The following PSG3 variants were observed in gnomAD, a reference collection of about 807,000 sequenced individuals.
The protein encoded by PSG3 is pregnancy-specific beta-1-glycoprotein 3.
In PSG3, 61 loss-of-function variants were observed where a neutral mutation model predicts 47.5. The ratio of observed to expected loss-of-function variants is 1.28; its 90% confidence interval spans 1.05 to 1.59. The LOEUF (loss-of-function observed/expected upper bound fraction) is 1.59. PSG3 is among the 40% of genes most tolerant of loss of function. PSG3 has a pLI of 0.00. For synonymous variants in PSG3, 263 were observed against 198.4 expected (o/e 1.33, Z -2.74); for missense variants, 756 against 524.0 (o/e 1.44, Z -4.32).
At chr19:42,722,985 A>G (rs1405065519) in intron 6 of PSG3, among the ~76,000 whole-genome samples, 4 of 152,080 alleles carry the variant, frequency 2.6e-5, no homozygotes, top group Admixed American at 1.3e-4. Flanking sequence ...AGTGATTCCA[A>G]TGTGTAGCTC....
At chr19:42,726,669 T>A (rs1969382732) in intron 5 of PSG3, among the ~76,000 whole-genome samples, 1 of 152,228 alleles carries the variant, frequency 6.6e-6, no homozygotes, top group African/African-American at 2.4e-5. Context: ...ACATTTTGTT[T>A]TCATGAATTG....
At chr19:42,737,685 C>G (rs927598429) in intron 2 of PSG3, among the ~76,000 whole-genome samples, 9 of 152,170 alleles carry the variant, frequency 5.9e-5, no homozygotes, top group African/African-American at 1.7e-4. Context: ...GTGATTGGAA[C>G]CCAGTAAGCC....
At position 42,729,602 on chromosome 19, in the gene PSG3, T is replaced by C. The variant is rs577104140; in HGVS notation, c.988+176A>G. ...GACAAGAGCGTCCCCTCCCCTTATA[T>C]TCTTGGTTAAGGCTGTGCCTACCCA... On this transcript the variant is annotated intron_variant, in intron 4 of 6. Transcript: ENST00000327495. 5.3e-5 allele frequency among the ~76,000 whole-genome samples: 8 copies of C among 152,298 alleles called. No homozygotes were observed. In the East Asian group the frequency reaches 1.4e-3, roughly 26 times the overall value.
At chr19:42,730,352 C>A (rs1000802882) in intron 3 of PSG3, among the ~76,000 whole-genome samples, 1 of 152,186 alleles carries the variant, frequency 6.6e-6, no homozygotes, top group African/African-American at 2.4e-5. Flanking sequence ...CTCCCAGTCC[C>A]TCCATAATCA....
At chr19:42,726,436 A>G (rs923432039) in intron 5 of PSG3, among the ~76,000 whole-genome samples, 2 of 152,250 alleles carry the variant, frequency 1.3e-5, no homozygotes, top group Non-Finnish European at 1.5e-5. Flanking sequence ...TAAATTCAGT[A>G]ATGTTGCACA....
chr19:42,725,590 G>T (rs2122162095), intron 5 of PSG3, among the ~76,000 whole-genome samples: 1 of 152,236 alleles, frequency 6.6e-6, no homozygotes, highest in African/African-American at 2.4e-5. Flanking sequence ...TCTGAGCATG[G>T]TGGGTCATGT....
At chr19:42,737,042 C>T (rs1223833415) in intron 2 of PSG3, among the ~76,000 whole-genome samples, 4 of 152,174 alleles carry the variant, frequency 2.6e-5, no homozygotes, top group African/African-American at 9.6e-5. Context: ...CACAGAGAAG[C>T]AGAGAGAGGC....
At chr19:42,733,903 A>T (rs2122185956) in intron 2 of PSG3, 1 of 152,338 alleles carries the variant, frequency 6.6e-6, no homozygotes, top group Admixed American at 6.5e-5. Flanking sequence ...GAAAGGGCGA[A>T]CATGAACAGA....
At position 42,722,105 on chromosome 19, in the gene PSG3, G is replaced by T; in HGVS notation, c.*41-15C>A. 1 of 411,898 alleles carries T rather than the reference G, an allele frequency of 2.4e-6. No individual in the cohort carries two copies. The highest frequency in any genetic ancestry group is 3.6e-5 in the East Asian group (1 of 27,944). 25.5% of individuals were successfully genotyped at this position (411,898 alleles called of 1,614,324 possible). A position where few individuals can be genotyped will look rare whatever the true frequency, so the allele number is the denominator to read the frequency against. On this transcript the variant is annotated splice_polypyrimidine_tract_variant and intron_variant, in intron 6 of 6. Transcript: ENST00000327495. ...AAAGCAACTGTCTGGGAATGACAAA[G>T]ATTTAAAATGACTATGGTTAAAAAT... is the stretch of plus-strand genomic sequence containing the variant.
At chr19:42,738,176 C>G (rs1969597947) in intron 2 of PSG3, among the ~76,000 whole-genome samples, 1 of 152,236 alleles carries the variant, frequency 6.6e-6, no homozygotes, top group African/African-American at 2.4e-5. Flanking sequence ...AGATGAGGCT[C>G]TGAGGGCTGA....
intron 3 of PSG3, among the ~76,000 whole-genome samples, 154 bp from the exon 4 acceptor site, chr19:42,730,210 G>T (rs948111595): frequency 6.6e-6 from 1 of 152,200 alleles, no homozygotes; most frequent in African/African-American, 2.4e-5. Context: ...GATGCATGAT[G>T]ATCTAAGGGC....
chr19:42,726,593 T>C (rs1464625819), intron 5 of PSG3, among the ~76,000 whole-genome samples: 2 of 151,998 alleles, frequency 1.3e-5, no homozygotes, highest in Non-Finnish European at 2.9e-5. Flanking sequence ...AGAGGTAAAA[T>C]GATTATACCT....
At chr19:42,723,050 G>A (rs1210254673) in intron 6 of PSG3, among the ~76,000 whole-genome samples, 1 of 152,046 alleles carries the variant, frequency 6.6e-6, no homozygotes, top group Non-Finnish European at 1.5e-5. Context: ...TTCTATTTTG[G>A]TATCATGATT....
At chr19:42,724,877 A>G (rs937179788) in intron 5 of PSG3, among the ~76,000 whole-genome samples, 3 of 151,048 alleles carry the variant, frequency 2.0e-5, no homozygotes, top group African/African-American at 7.3e-5. Context: ...CTTTTTCCAT[A>G]TATATATATA....
chr19:42,736,948 G>A (rs1969574642), intron 2 of PSG3, among the ~76,000 whole-genome samples: 2 of 152,146 alleles, frequency 1.3e-5, no homozygotes, highest in South Asian at 4.1e-4. Flanking sequence ...TAGAGGGAGT[G>A]TCTGGGGAAG....
At chr19:42,739,225 C>T (rs1969624847) in intron 1 of PSG3, 136 bp from the exon 2 acceptor site, 10 of 1,343,298 alleles carry the variant, frequency 7.4e-6, no homozygotes, top group Non-Finnish European at 1.0e-5. Flanking sequence ...AACACACACA[C>T]ACACACAAAA....
At chr19:42,734,791 A>T (rs527597779) in intron 2 of PSG3, among the ~76,000 whole-genome samples, 11 of 152,354 alleles carry the variant, frequency 7.2e-5, no homozygotes, top group Admixed American at 2.0e-4. Flanking sequence ...AAACTAAAAG[A>T]AGTGATGTGT....
At chr19:42,725,885 A>G (rs10408481) in intron 5 of PSG3, among the ~76,000 whole-genome samples, 2 of 139,400 alleles carry the variant, frequency 1.4e-5, no homozygotes, top group Non-Finnish European at 3.1e-5. Flanking sequence ...TTCAACAACA[A>G]CAACCAAAAA....
At chr19:42,732,080 A>C (rs797020407) in intron 3 of PSG3, 13 of 156,298 alleles carry the variant, frequency 8.3e-5, no homozygotes, top group African/African-American at 3.1e-4. Context: ...TGATAGCTAG[A>C]TAGACTTCAC....
Sources: allele counts gnomAD v4.1 joint callset (sites outside exome capture counted in the v4.1 genomes callset), GRCh38; gene constraint gnomAD v4.1.1; transcripts MANE v1.5; gene names NCBI Gene and HGNC (gene_info 2026-07-23, HGNC 2026-07-21).